Variants in C1orf159 observed in about 807,000 individuals in gnomAD.
C1orf159 encodes the protein chromosome 1 open reading frame 159.
In C1orf159, 19 loss-of-function variants were observed where a neutral mutation model predicts 25.6. The ratio of observed to expected loss-of-function variants is 0.74; its 90% CI spans 0.52 to 1.09. The LOEUF is 1.09. C1orf159 is among the 50% of genes least tolerant of loss of function. The probability of loss-of-function intolerance (pLI) is 0.00; values close to 1 mark genes in which losing one functional copy is unlikely to be tolerated. For synonymous variants in C1orf159, 139 were observed against 124.7 expected, an observed-to-expected ratio of 1.12 and a Z score of -0.77; for missense variants, 274 against 290.6, an observed-to-expected ratio of 0.94 and a Z score of 0.42.
chr1:1,112,652 A>G (rs1646278489), intron 1 of C1orf159, among the ~76,000 whole-genome samples: 1 of 152,170 alleles, frequency 6.6e-6, no homozygotes, highest in Non-Finnish European at 1.5e-5. Context: ...CCCTCCCTCC[A>G]GGGAACACAT....
At chr1:1,112,449 G>A (rs561380498) in intron 1 of C1orf159, among the ~76,000 whole-genome samples, 51 of 151,594 alleles carry the variant, frequency 3.4e-4, no homozygotes, top group South Asian at 2.5e-3. Flanking sequence ...AACACACAGC[G>A]CATGCTCCCT....
At chr1:1,108,970 T>TG (rs1646219574) in intron 1 of C1orf159, among the ~76,000 whole-genome samples, 1 of 84,460 alleles carries the variant, frequency 1.2e-5, no homozygotes, top group South Asian at 4.8e-4. Context: ...CCACCATGTC[T>TG]CAGCACCATC....
rs566859739 is a variant in C1orf159 at position 1,116,026 on chromosome 1, C to T, written c.-136+34G>A. On this transcript the variant is annotated intron_variant, in intron 1 of 9. Transcript: ENST00000421241. The surrounding 1 kb of genome is among the most constrained non-coding windows in gnomAD (Gnocchi z 4.8). ...AGACGGACCCCAGCGCCCCAACCCG[C>T]TACCCTCACGCCTGCCCCCAGCCCC... The T allele has an allele frequency of 8.5e-5, 13 of 152,434 alleles. No individual in the cohort carries two copies. The highest frequency in any genetic ancestry group is 4.6e-4 in the Admixed American group (7 of 15,304). 9.4% of individuals were successfully genotyped at this position (152,434 alleles called of 1,614,324 possible). A position where few individuals can be genotyped will look rare whatever the true frequency, so the allele number is the denominator to read the frequency against.
intron 2 of C1orf159, 163 bp downstream of exon 2, chr1:1,091,828 C>A (rs1053527268): frequency 1.1e-5 from 1 of 88,844 alleles, no homozygotes; most frequent in South Asian, 7.5e-5. Flanking sequence ...TGGGGTGGGG[C>A]GGGGCCGCGG....
At chr1:1,095,322 C>G (rs1645995896) in intron 1 of C1orf159, among the ~76,000 whole-genome samples, 1 of 152,250 alleles carries the variant, frequency 6.6e-6, no homozygotes, top group South Asian at 2.1e-4. Flanking sequence ...CATGCTGTCT[C>G]TCTTCATCCC....
At chr1:1,086,441 C>T (rs112968953) in intron 6 of C1orf159, among the ~76,000 whole-genome samples, 1 of 152,228 alleles carries the variant, frequency 6.6e-6, no homozygotes, top group Non-Finnish European at 1.5e-5. Context: ...GGTGCTCCTG[C>T]ACCCCACTCA....
At position 1,082,555 on chromosome 1, in the gene C1orf159, C is replaced by T. The variant is rs1645758648; in HGVS notation, c.*338G>A. The T allele has an allele frequency of 2.7e-6, 1 of 366,224 alleles. No individual in the cohort carries two copies. The highest frequency in any genetic ancestry group is 5.1e-6 in the Non-Finnish European group (1 of 194,868). The allele number at this position is 366,224 out of a possible 1,614,324, so 22.7% of individuals were successfully genotyped here. A position where few individuals can be genotyped will look rare whatever the true frequency, so the allele number is the denominator to read the frequency against. On this transcript the variant is annotated 3_prime_UTR_variant, in exon 10 of 10. Coordinates refer to ENST00000421241, the MANE Select transcript of C1orf159 (RefSeq NM_017891.5). Reference sequence around the variant, plus strand: ...CCTGGCTTTTCTAGGCAGAGCGGCACCTGCCCCATAGATCGTGCCAGCTTT... The same window carrying T: ...CCTGGCTTTTCTAGGCAGAGCGGCATCTGCCCCATAGATCGTGCCAGCTTT...
chr1:1,099,839 G>A (rs1646074922), intron 1 of C1orf159, among the ~76,000 whole-genome samples: 1 of 151,510 alleles, frequency 6.6e-6, no homozygotes, highest in South Asian at 2.1e-4. Flanking sequence ...GATGTTTTTG[G>A]TCTATTGTTC....
intron 7 of C1orf159, among the ~76,000 whole-genome samples, chr1:1,084,740 C>T (rs992330946): frequency 6.6e-6 from 1 of 152,118 alleles, no homozygotes; most frequent in African/African-American, 2.4e-5. Flanking sequence ...GGTGCGGGGG[C>T]CTCCCTAGCA....
chr1:1,090,093 C>G (rs116561008), intron 4 of C1orf159, among the ~76,000 whole-genome samples: 1,984 of 152,280 alleles, frequency 0.013, 33 homozygotes, highest in Non-Finnish European at 0.022. Flanking sequence ...CTCCAGGCAC[C>G]TTTCTGATCT....
At chr1:1,112,965 G>A (rs1446397266) in intron 1 of C1orf159, among the ~76,000 whole-genome samples, 1 of 152,214 alleles carries the variant, frequency 6.6e-6, no homozygotes, top group Non-Finnish European at 1.5e-5. Flanking sequence ...GGAGGCTGAG[G>A]TGGGTGGATC....
At position 1,110,591 on chromosome 1, in the gene C1orf159, C is replaced by T. The variant is rs142180223; in HGVS notation, c.-136+5469G>A. 3.6e-4 allele frequency among the ~76,000 whole-genome samples: 55 copies of T among 152,308 alleles called. No homozygotes were observed. The East Asian group carries it at 9.8e-3, about 27-fold the overall frequency. On this transcript the variant is annotated intron_variant, in intron 1 of 9. Transcript: ENST00000421241. The surrounding 1 kb of genome is among the most constrained non-coding windows in gnomAD (Gnocchi z 4.8). ...GCAAACTAAAGCCTCCACGACCAAA[C>T]GGCACTCAGCCTCTCGGCTGTGGGG... is the stretch of plus-strand genomic sequence containing the variant.
At position 1,102,614 on chromosome 1, in the gene C1orf159, T is replaced by TAAA. The variant is rs1170365187; in HGVS notation, c.-135-10514_-135-10512dup. 1.7e-3 allele frequency among the ~76,000 whole-genome samples: 57 copies of TAAA among 34,132 alleles called. 1 individual carries two copies. Among genetic ancestry groups the TAAA allele is most frequent in the Admixed American group, 2.0e-3 (5 of 2,508 alleles). 22.4% of individuals were successfully genotyped at this position (34,132 alleles called of 152,430 possible). ...CAACATAGCGAAACCCTGTCTCTAC[T>TAAA]AAAAAAAAAAAAAAAAAAAAAAAAA... On this transcript the variant is annotated intron_variant, in intron 1 of 9. Coordinates refer to ENST00000421241, the MANE Select transcript of C1orf159 (RefSeq NM_017891.5).
chr1:1,110,606 C>T lies in C1orf159; in HGVS notation c.-136+5454G>A, dbSNP rs548984435. On this transcript the variant is annotated intron_variant, in intron 1 of 9. Transcript: ENST00000421241. The surrounding 1 kb of genome is among the most constrained non-coding windows in gnomAD (Gnocchi z 4.8). ...CACGACCAAACGGCACTCAGCCTCT[C>T]GGCTGTGGGGACACACAGAACCGCT... Among the ~76,000 whole-genome samples, 147 of 152,332 alleles carry T rather than the reference C, an allele frequency of 9.6e-4. No homozygotes were observed. Among genetic ancestry groups the T allele is most frequent in the African/African-American group, 3.2e-3 (133 of 41,564 alleles).
rs1646336920 is a variant in C1orf159 at position 1,116,049 on chromosome 1, C to T, written c.-136+11G>A. 2 of 152,244 alleles carry T rather than the reference C, an allele frequency of 1.3e-5. No individual in the cohort carries two copies. Among genetic ancestry groups the T allele is most frequent in the African/African-American group, 2.4e-5 (1 of 41,426 alleles). The allele number at this position is 152,244 out of a possible 1,614,324, so 9.4% of individuals were successfully genotyped here. The stretch of plus-strand genomic sequence containing the variant: ...CGCTACCCTCACGCCTGCCCCCAGC[C>T]CCTCACTCACCCCGGCGCCCTCCGG... On this transcript the variant is annotated intron_variant, in intron 1 of 9. Transcript: ENST00000421241. This position sits in a 1 kb window ranked among gnomAD's most constrained non-coding sequence, Gnocchi z 4.8.
intron 1 of C1orf159, among the ~76,000 whole-genome samples, chr1:1,102,822 C>G (rs562565962): frequency 5.2e-4 from 79 of 151,438 alleles, no homozygotes; most frequent in African/African-American, 1.9e-3. Context: ...AATAAAATTT[C>G]AGATCTTGTT....
intron 1 of C1orf159, among the ~76,000 whole-genome samples, chr1:1,108,547 A>G (rs1349606722): frequency 1.2e-3 from 100 of 84,956 alleles, no homozygotes; most frequent in African/African-American, 2.3e-3. Flanking sequence ...TCTCGGCACC[A>G]TTCACCACAG....
chr1:1,103,882 G>C (rs754846068), intron 1 of C1orf159, among the ~76,000 whole-genome samples: 3 of 152,138 alleles, frequency 2.0e-5, no homozygotes, highest in Non-Finnish European at 4.4e-5. Context: ...TGTAGAGACT[G>C]TGTTGTCCAG....
chr1:1,110,156 C>G lies in C1orf159; in HGVS notation c.-136+5904G>C, dbSNP rs1443720558. ...TCTTATTGCCGCAGAGTCTGTCAGT[C>G]TCGTGATCTCCACTTTAACACTAAT... On this transcript the variant is annotated intron_variant, in intron 1 of 9. Transcript: ENST00000421241. The surrounding 1 kb of genome is among the most constrained non-coding windows in gnomAD (Gnocchi z 4.8). Among the ~76,000 whole-genome samples the G allele has an allele frequency of 1.3e-5, 2 of 152,146 alleles. No homozygotes were observed. Among genetic ancestry groups the G allele is most frequent in the African/African-American group, 2.4e-5 (1 of 41,410 alleles).
Sources: allele counts gnomAD v4.1 joint callset (sites outside exome capture counted in the v4.1 genomes callset), GRCh38; gene constraint gnomAD v4.1.1; non-coding constraint Gnocchi (gnomAD v3.1); transcripts MANE v1.5; gene names NCBI Gene and HGNC (gene_info 2026-07-23, HGNC 2026-07-21).